The following PRKN variants were observed in gnomAD, a reference collection of about 807,000 sequenced individuals.
PRKN encodes parkin RBR E3 ubiquitin protein ligase.
PRKN carries 56 observed loss-of-function variants against 59.5 expected under a neutral mutation model. That is an observed-to-expected ratio of 0.94 (90% CI 0.76 to 1.18). The LOEUF (loss-of-function observed/expected upper bound fraction) is 1.18, where lower values mean the gene tolerates loss of function less well. PRKN is among the 50% of genes most tolerant of loss of function. The probability of loss-of-function intolerance (pLI) is 0.00; values close to 1 mark genes in which losing one functional copy is unlikely to be tolerated. For synonymous variants in PRKN, 250 were observed against 222.1 expected (o/e 1.13, Z -1.12); for missense variants, 657 against 596.4 (o/e 1.10, Z -1.06).
At chr6:161,826,656 C>G (rs949267267) in intron 6 of PRKN, among the ~76,000 whole-genome samples, 1 of 152,218 alleles carries the variant, frequency 6.6e-6, no homozygotes, top group Non-Finnish European at 1.5e-5. Flanking sequence ...CCACAATACA[C>G]ATTTTTGAAT....
intron 2 of PRKN, among the ~76,000 whole-genome samples, chr6:162,414,373 C>A (rs551267518): frequency 6.6e-6 from 1 of 151,968 alleles, no homozygotes; most frequent in Admixed American, 6.6e-5. Context: ...TAGGACAAGG[C>A]ATCATTGTCT....
At chr6:162,550,313 GAGAA>G (rs932364387) in intron 1 of PRKN, among the ~76,000 whole-genome samples, 12 of 152,334 alleles carry the variant, frequency 7.9e-5, no homozygotes, top group African/African-American at 2.6e-4. Flanking sequence ...TGTCCCAAGG[GAGAA>G]AGAAATAGAG....
At chr6:162,508,875 A>G (rs1475966252) in intron 1 of PRKN, among the ~76,000 whole-genome samples, 1 of 152,190 alleles carries the variant, frequency 6.6e-6, no homozygotes, top group Admixed American at 6.5e-5. Context: ...CAAAAAACAA[A>G]CAAAAAACAA....
chr6:161,598,875 T>C (rs1782012652), intron 7 of PRKN, among the ~76,000 whole-genome samples: 1 of 152,202 alleles, frequency 6.6e-6, no homozygotes, highest in African/African-American at 2.4e-5. Context: ...CCAATGAATA[T>C]AACCTCATTT....
In PRKN at chr6:162,299,725, C is replaced by T. The variant is rs143823714; in HGVS notation, c.172-36960G>A. On this transcript the variant is annotated intron_variant, in intron 2 of 11. Transcript: ENST00000366898. ...TGTCTATAGGTCTGTGTTTTCATGG[C>T]CATACAGTGGGCTGCAGGCCACTTT... is the stretch of plus-strand genomic sequence containing the variant. Among the ~76,000 whole-genome samples the T allele has an allele frequency of 1.1e-3, 164 of 151,856 alleles. 1 individual carries two copies. The highest frequency in any genetic ancestry group is 3.5e-3 in the African/African-American group (145 of 41,416).
intron 1 of PRKN, among the ~76,000 whole-genome samples, chr6:162,518,141 T>C (rs904887622): frequency 6.6e-6 from 1 of 152,216 alleles, no homozygotes; most frequent in Admixed American, 6.5e-5. Flanking sequence ...AACACATTTA[T>C]GGAACACTCA....
At chr6:161,424,326 G>C (rs892909416) in intron 9 of PRKN, among the ~76,000 whole-genome samples, 5 of 123,900 alleles carry the variant, frequency 4.0e-5, no homozygotes, top group African/African-American at 1.5e-4. Flanking sequence ...GACAGAGGGA[G>C]ATTCTGTCTC....
chr6:162,344,898 G>C (rs1185850739), intron 2 of PRKN, among the ~76,000 whole-genome samples: 1 of 152,312 alleles, frequency 6.6e-6, no homozygotes, highest in Admixed American at 6.5e-5. Flanking sequence ...AAGAGGTAAG[G>C]ATTTCACTGT....
Position 161,473,874 on chromosome 6 carries a change from AG to A in PRKN, c.1083+74979del. 6.6e-6 allele frequency among the ~76,000 whole-genome samples: 1 copy of A among 152,296 alleles called. No individual in the cohort carries two copies. Among genetic ancestry groups the A allele is most frequent in the Middle Eastern group, 3.4e-3 (1 of 294 alleles). On this transcript the variant is annotated intron_variant, in intron 9 of 11. Transcript: ENST00000366898. The surrounding 1 kb of genome is among the most constrained non-coding windows in gnomAD (Gnocchi z 4.1). ...AAATAAGTAAATAAGAAAGGAGAGCAGGTGGAGTGGCATTTTTATATACAAG... is the reference window on the plus strand; with the variant it reads ...AAATAAGTAAATAAGAAAGGAGAGCAGTGGAGTGGCATTTTTATATACAAG...
intron 7 of PRKN, among the ~76,000 whole-genome samples, chr6:161,670,417 C>A (rs1203153703): frequency 6.6e-6 from 1 of 152,156 alleles, no homozygotes; most frequent in Non-Finnish European, 1.5e-5. Context: ...TGGCTGCCAA[C>A]AACCCTTGGC....
At chr6:162,021,672 G>T (rs2128276058) in intron 5 of PRKN, among the ~76,000 whole-genome samples, 1 of 151,886 alleles carries the variant, frequency 6.6e-6, no homozygotes, top group East Asian at 1.9e-4. Flanking sequence ...CCTACTTCTG[G>T]GATGGGTTGA....
intron 6 of PRKN, among the ~76,000 whole-genome samples, chr6:161,859,414 C>T (rs1319823962): frequency 6.6e-6 from 1 of 151,686 alleles, no homozygotes; most frequent in Non-Finnish European, 1.5e-5. Context: ...ACCATCCTGG[C>T]CAACATGCTG....
chr6:162,673,395 G>A (rs751441365), intron 1 of PRKN, among the ~76,000 whole-genome samples: 1 of 152,100 alleles, frequency 6.6e-6, no homozygotes, highest in Non-Finnish European at 1.5e-5. Context: ...TTACAACAAA[G>A]TATGATAAAA....
chr6:161,789,443 T>C lies in PRKN; in HGVS notation c.735-3535A>G, dbSNP rs148517299. ...GTCCTTGCGTAGCCTAGGATTCTTC[T>C]AGTTCCTGTACACCTAGATGCATGC... On this transcript the variant is annotated intron_variant, in intron 6 of 11. Transcript: ENST00000366898. Among the ~76,000 whole-genome samples the C allele has an allele frequency of 1.3e-5, 2 of 152,306 alleles. 1 individual carries two copies. Among genetic ancestry groups the C allele is most frequent in the East Asian group, 3.9e-4 (2 of 5,176 alleles).
At chr6:161,757,943 G>A (rs11962961) in intron 7 of PRKN, among the ~76,000 whole-genome samples, 1,698 of 95,738 alleles carry the variant, frequency 0.018, 37 homozygotes, top group South Asian at 0.085. Flanking sequence ...GTATATATAT[G>A]TATATATATA....
intron 5 of PRKN, among the ~76,000 whole-genome samples, chr6:161,976,976 T>C (rs1218790510): frequency 6.6e-6 from 1 of 152,316 alleles, no homozygotes. Flanking sequence ...AAATTACAGA[T>C]AGTTGAAAAA....
chr6:161,897,717 C>G (rs1234325949), intron 6 of PRKN, among the ~76,000 whole-genome samples: 1 of 151,964 alleles, frequency 6.6e-6, no homozygotes, highest in Non-Finnish European at 1.5e-5. Context: ...CGCGGTGGCT[C>G]ACGCCTGTAA....
At chr6:162,086,308 T>A (rs1194107536) in intron 4 of PRKN, among the ~76,000 whole-genome samples, 1 of 152,114 alleles carries the variant, frequency 6.6e-6, no homozygotes, top group Admixed American at 6.6e-5. Context: ...CTTTATGTTA[T>A]CAGATTTATT....
At chr6:162,005,281 T>C (rs565691016) in intron 5 of PRKN, among the ~76,000 whole-genome samples, 10 of 152,338 alleles carry the variant, frequency 6.6e-5, no homozygotes, top group Middle Eastern at 3.4e-3. Context: ...AAATAAAGTA[T>C]AGGACAATAT....
Sources: gnomAD v4.1 joint callset for allele counts (sites outside exome capture counted in the v4.1 genomes callset) on GRCh38, gnomAD v4.1.1 for gene constraint, Gnocchi (gnomAD v3.1) non-coding constraint, MANE v1.5 for transcripts, NCBI Gene and HGNC (gene_info 2026-07-23, HGNC 2026-07-21) for gene names.